The following PPP4R1 variants were observed in gnomAD, a reference collection of about 807,000 sequenced individuals.
PPP4R1 encodes serine/threonine-protein phosphatase 4 regulatory subunit 1.
PPP4R1 carries 42 observed loss-of-function variants against 111.2 expected under a neutral mutation model. That is an observed-to-expected ratio of 0.38 (90% CI 0.29 to 0.49). The LOEUF (loss-of-function observed/expected upper bound fraction) is 0.49, where lower values mean the gene tolerates loss of function less well. PPP4R1 is among the 20% of genes least tolerant of loss of function. The pLI, the probability that PPP4R1 is intolerant of heterozygous loss-of-function variation, is 0.97. For synonymous variants in PPP4R1, 409 were observed against 405.5 expected (o/e 1.01, Z -0.10); for missense variants, 1,012 against 1,161.6 (o/e 0.87, Z 1.87).
chr18:9,602,030 T>C (rs2067391411), intron 2 of PPP4R1, among the ~76,000 whole-genome samples: 1 of 152,076 alleles, frequency 6.6e-6, no homozygotes, highest in South Asian at 2.1e-4. Flanking sequence ...ACAATGACAT[T>C]AATCCTTGTT....
chr18:9,605,580 AAAAAAAAAAAAAAAAGG>A (rs1160824872), intron 2 of PPP4R1, among the ~76,000 whole-genome samples: 1 of 149,142 alleles, frequency 6.7e-6, no homozygotes, highest in African/African-American at 2.5e-5. Flanking sequence ...AAAAAAAAAA[AAAAAAAAAAAAAAAAGG>A]AAAGAATAAC....
chr18:9,591,058 AAAG>A (rs1056766485), intron 4 of PPP4R1, among the ~76,000 whole-genome samples: 3 of 152,116 alleles, frequency 2.0e-5, no homozygotes, highest in African/African-American at 7.2e-5. Context: ...ACATTTCAAA[AAAG>A]AAGAAGCCAG....
chr18:9,549,512 C>T (rs1340216268), intron 18 of PPP4R1, among the ~76,000 whole-genome samples, 174 bp from the exon 19 acceptor site: 4 of 152,208 alleles, frequency 2.6e-5, no homozygotes, highest in African/African-American at 7.2e-5. Flanking sequence ...ACTGCCCACA[C>T]GGACAGACAC....
rs11324056 is a variant in PPP4R1, at chr18:9,602,367, TAAAAAAAAAAAAA to T, written c.53-7227_53-7215del. 1.3e-3 allele frequency among the ~76,000 whole-genome samples: 58 copies of T among 45,184 alleles called. 1 individual carries two copies. Among genetic ancestry groups the T allele is most frequent in the Admixed American group, 6.6e-3 (21 of 3,206 alleles). 29.6% of individuals were successfully genotyped at this position (45,184 alleles called of 152,430 possible). A position where few individuals can be genotyped will look rare whatever the true frequency, so the allele number is the denominator to read the frequency against. ...TAACATGGTGAAACCCCATCTCTACTAAAAAAAAAAAAAAAAAAAAAAAAAAAAATTAGCCGGG... is the reference window on the plus strand; with the variant it reads ...TAACATGGTGAAACCCCATCTCTACTAAAAAAAAAAAAAAAATTAGCCGGG... On this transcript the variant is annotated intron_variant, in intron 2 of 19. Transcript: ENST00000400556.
chr18:9,614,443 A>AGCC lies in PPP4R1; in HGVS notation c.7+32_7+34dup, dbSNP rs902390260. On this transcript the variant is annotated intron_variant, in intron 1 of 19. Coordinates refer to ENST00000400556, the MANE Select transcript of PPP4R1 (RefSeq NM_001042388.3). This position sits in a 1 kb window ranked among gnomAD's most constrained non-coding sequence, Gnocchi z 4.1. ...CGGCGGAGGGCGGGTGGGCTCGAGGAGCCGCCGCCGCCCGGAGAACAGGGG... is the reference window on the plus strand; with the variant it reads ...CGGCGGAGGGCGGGTGGGCTCGAGGAGCCGCCGCCGCCGCCCGGAGAACAGGGG... 2.1e-4 allele frequency: 213 copies of AGCC among 1,011,430 alleles called. No individual in the cohort carries two copies. Among genetic ancestry groups the AGCC allele is most frequent in the Middle Eastern group, 4.9e-4 (1 of 2,056 alleles). The allele number at this position is 1,011,430 out of a possible 1,614,324, so 62.7% of individuals were successfully genotyped here. A position where few individuals can be genotyped will look rare whatever the true frequency, so the allele number is the denominator to read the frequency against.
intron 2 of PPP4R1, among the ~76,000 whole-genome samples, chr18:9,605,647 C>T (rs1323576044): frequency 6.8e-6 from 1 of 147,268 alleles, no homozygotes; most frequent in Non-Finnish European, 1.5e-5. Context: ...ACCAAATGGA[C>T]TCTTCAAAAA....
intron 10 of PPP4R1, among the ~76,000 whole-genome samples, chr18:9,573,296 A>T (rs1394310835): frequency 6.6e-6 from 1 of 152,234 alleles, no homozygotes; most frequent in Non-Finnish European, 1.5e-5. Flanking sequence ...TTATATATTA[A>T]CATCTGTGTT....
At position 9,555,973 on chromosome 18, in the gene PPP4R1, AAAAC is replaced by A. The variant is rs886759220; in HGVS notation, c.2190+1244_2190+1247del. Among the ~76,000 whole-genome samples the A allele has an allele frequency of 5.6e-3, 802 of 144,258 alleles. 4 individuals carry two copies. Among genetic ancestry groups the A allele is most frequent in the Middle Eastern group, 0.01 (3 of 288 alleles). The allele number at this position is 144,258 out of a possible 152,430, so 94.6% of individuals were successfully genotyped here. On this transcript the variant is annotated intron_variant, in intron 15 of 19. Transcript: ENST00000400556. ...AACACGGTGAAACCCCATCTCTACT[AAAAC>A]AAACAAACAAACAAACAAACAAAAA...
intron 14 of PPP4R1, 152 bp downstream of exon 14, chr18:9,559,267 G>T (rs2066635956): frequency 4.1e-6 from 3 of 735,154 alleles, no homozygotes; most frequent in African/African-American, 1.8e-5. Context: ...AAAAGAACAT[G>T]CTCTGTTATT....
At chr18:9,610,011 C>G (rs1377814602) in intron 2 of PPP4R1, among the ~76,000 whole-genome samples, 1 of 152,222 alleles carries the variant, frequency 6.6e-6, no homozygotes, top group Non-Finnish European at 1.5e-5. Flanking sequence ...ATGAAAGGCA[C>G]TGTAAACTAA....
chr18:9,609,513 C>T (rs1159487507), intron 2 of PPP4R1, among the ~76,000 whole-genome samples: 1 of 152,194 alleles, frequency 6.6e-6, no homozygotes, highest in Non-Finnish European at 1.5e-5. Context: ...CACTCTACTT[C>T]AACACCGCCC....
At chr18:9,561,342 G>A (rs986515368) in intron 13 of PPP4R1, among the ~76,000 whole-genome samples, 6 of 151,958 alleles carry the variant, frequency 3.9e-5, no homozygotes, top group Non-Finnish European at 8.8e-5. Flanking sequence ...AAACTACAAC[G>A]AGTAGCATCT....
chr18:9,577,149 T>G lies in PPP4R1; in HGVS notation c.961A>C (p.Thr321Pro), dbSNP rs748231140. Residue 321 changes from threonine (T) to proline (P), a missense_variant, in exon 10 of 20, where the codon ACT (threonine) becomes CCT (proline). By Grantham distance (38) the Thr-to-Pro change is conservative. Around this residue, in one of 2 missense-constraint regions of PPP4R1, gnomAD observed 707 missense variants for 742.1 expected, o/e 0.95. Transcript: ENST00000400556. The part of the protein sequence containing the change: ...AFQSLGPFIS[T>P]FANPSSSGQY... The stretch of plus-strand genomic sequence containing the variant: ...CCTGAGCTAGATGGATTAGCAAAAG[T>G]AGATATGAAAGGTCCCAGAGACTGA... 6.2e-7 allele frequency: 1 copy of G among 1,609,620 alleles called. No individual in the cohort carries two copies. The highest frequency in any genetic ancestry group is 8.5e-7 in the Non-Finnish European group (1 of 1,177,414).
At position 9,600,611 on chromosome 18, in the gene PPP4R1, C is replaced by G. The variant is rs113913389; in HGVS notation, c.53-5458G>C. 1.8e-3 allele frequency among the ~76,000 whole-genome samples: 278 copies of G among 152,306 alleles called. 1 individual carries two copies. Among genetic ancestry groups the G allele is most frequent in the African/African-American group, 6.3e-3 (261 of 41,572 alleles). ...GCTGGAGGCCGGGTGTGGTGGCTCA[C>G]GCCAATAATCCCAGCACTTTGGGAG... On this transcript the variant is annotated intron_variant, in intron 2 of 19. Transcript: ENST00000400556.
At chr18:9,592,430 A>T (rs1255019144) in intron 4 of PPP4R1, among the ~76,000 whole-genome samples, 1 of 152,178 alleles carries the variant, frequency 6.6e-6, no homozygotes. Flanking sequence ...TAACTTTCTG[A>T]AGCCTGCCCC....
intron 3 of PPP4R1, chr18:9,594,784 C>T: frequency 2.3e-6 from 1 of 429,526 alleles, no homozygotes; most frequent in Non-Finnish European, 4.0e-6. Context: ...GGCAGAAAAG[C>T]AATGGTAATT....
chr18:9,575,230 A>G (rs1401525706), intron 10 of PPP4R1, among the ~76,000 whole-genome samples: 13 of 152,258 alleles, frequency 8.5e-5, no homozygotes. Context: ...CTTTGAGGAC[A>G]GGAACGAAGT....
upstream of PPP4R1, among the ~76,000 whole-genome samples, chr18:9,615,510 A>G (rs188897682): frequency 8.8e-4 from 134 of 152,340 alleles, no homozygotes; most frequent in East Asian, 2.3e-3. Context: ...TTGAGGTGTT[A>G]AAGTCTGTAT....
Position 9,557,265 on chromosome 18 carries a change from C to G in PPP4R1, c.2146G>C (p.Glu716Gln). ...TGTTTAAGAACACCTATCCTGACTT[C>G]ATCGAGGTCTTTTAAAAATCCATTA... Reference protein sequence around the residue: ...IFNGFLKDLDEVRIGVLKHLH... With the variant: ...IFNGFLKDLDQVRIGVLKHLH... The change falls in exon 15 of 20, where the codon GAA (glutamate) becomes CAA (glutamine). Residue 716 changes from glutamate (E) to glutamine (Q), a missense_variant. Physicochemically the swap from Glu to Gln is conservative, Grantham distance 29 (BLOSUM62 2). Transcript: ENST00000400556. 6.2e-7 allele frequency: 1 copy of G among 1,611,460 alleles called. No individual in the cohort carries two copies. Among genetic ancestry groups the G allele is most frequent in the Non-Finnish European group, 8.5e-7 (1 of 1,179,294 alleles).
Sources: allele counts gnomAD v4.1 joint callset (sites outside exome capture counted in the v4.1 genomes callset), GRCh38; gene constraint gnomAD v4.1.1; regional missense constraint gnomAD v4.1.1; non-coding constraint Gnocchi (gnomAD v3.1); transcripts MANE v1.5; gene names NCBI Gene and HGNC (gene_info 2026-07-23, HGNC 2026-07-21).